The following EPHA5 variants were observed in gnomAD, a reference collection of about 807,000 sequenced individuals.
The protein encoded by EPHA5 is EPH receptor A5, also known as ephrin type-A receptor 5.
Under a neutral mutation model 105.0 loss-of-function variants are expected in EPHA5, and 60 were observed. The ratio of observed to expected loss-of-function variants is 0.57; its 90% CI spans 0.46 to 0.71. The LOEUF is 0.71. EPHA5 is among the 30% of genes least tolerant of loss of function. The probability of loss-of-function intolerance (pLI) is 0.00; values close to 1 mark genes in which losing one functional copy is unlikely to be tolerated. For missense variants in EPHA5, 1,218 were observed against 1,274.7 expected (o/e 0.96, Z 0.68); for synonymous variants, 513 against 449.1 (o/e 1.14, Z -1.80).
At chr4:65,461,933 T>C (rs542039070) in intron 5 of EPHA5, among the ~76,000 whole-genome samples, 46 of 152,176 alleles carry the variant, frequency 3.0e-4, no homozygotes, top group African/African-American at 9.4e-4. Context: ...CAGAATATAA[T>C]TGATATTGAA....
chr4:65,491,181 TAA>T (rs78417500), intron 4 of EPHA5, among the ~76,000 whole-genome samples: 4 of 119,912 alleles, frequency 3.3e-5, no homozygotes, highest in Non-Finnish European at 5.4e-5. Flanking sequence ...ATGTTGTAAG[TAA>T]AAAAAAAAAA....
intron 3 of EPHA5, among the ~76,000 whole-genome samples, chr4:65,553,056 A>G (rs563840070): frequency 6.6e-6 from 1 of 152,176 alleles, no homozygotes; most frequent in African/African-American, 2.4e-5. Flanking sequence ...TGAAAATCAC[A>G]GTTGTCAAGT....
At chr4:65,573,937 G>A (rs1205788223) in intron 3 of EPHA5, 4 of 1,602,432 alleles carry the variant, frequency 2.5e-6, no homozygotes, top group Non-Finnish European at 3.4e-6. Flanking sequence ...CGCCACAGGG[G>A]CAAGAGGGTG....
Position 65,366,059 on chromosome 4 carries a change from T to G in EPHA5, c.1862-2A>C. The G allele has an allele frequency of 6.3e-7, 1 of 1,594,114 alleles. No homozygotes were observed. The highest frequency in any genetic ancestry group is 8.6e-7 in the Non-Finnish European group (1 of 1,165,396). Reference sequence around the variant, plus strand: ...AAGTTCTTACTCCTGGCAGTTTAACTGTAAATATAAATTGGCATTAAAACA... The same window carrying G: ...AAGTTCTTACTCCTGGCAGTTTAACGGTAAATATAAATTGGCATTAAAACA... On this transcript the variant is annotated splice_acceptor_variant, in intron 9 of 16. Coordinates refer to ENST00000613740, the MANE Select transcript of EPHA5 (RefSeq NM_001281766.3). LOFTEE classifies it high-confidence loss of function.
intron 16 of EPHA5, chr4:65,331,259 G>A: frequency 9.7e-7 from 1 of 1,029,596 alleles, no homozygotes. Flanking sequence ...TAACAATTAG[G>A]CTAAAACAAC....
At chr4:65,346,544 C>CT (rs1376003478) in intron 14 of EPHA5, among the ~76,000 whole-genome samples, 2 of 151,754 alleles carry the variant, frequency 1.3e-5, no homozygotes, top group Admixed American at 6.6e-5. Flanking sequence ...TTCATTTTGT[C>CT]TTTTTTTATT....
rs758274203 is a variant in EPHA5 at position 65,366,059 on chromosome 4, T to A, written c.1862-2A>T. Reference sequence around the variant, plus strand: ...AAGTTCTTACTCCTGGCAGTTTAACTGTAAATATAAATTGGCATTAAAACA... The same window carrying A: ...AAGTTCTTACTCCTGGCAGTTTAACAGTAAATATAAATTGGCATTAAAACA... On this transcript the variant is annotated splice_acceptor_variant, in intron 9 of 16. Coordinates refer to ENST00000613740, the MANE Select transcript of EPHA5 (RefSeq NM_001281766.3). LOFTEE classifies it high-confidence loss of function. The A allele has an allele frequency of 6.3e-7, 1 of 1,594,114 alleles. No homozygotes were observed. The highest frequency in any genetic ancestry group is 8.6e-7 in the Non-Finnish European group (1 of 1,165,396).
chr4:65,465,351 A>G (rs754359763), intron 5 of EPHA5, among the ~76,000 whole-genome samples: 1 of 151,690 alleles, frequency 6.6e-6, no homozygotes, highest in Non-Finnish European at 1.5e-5. Context: ...GCTTGAACCC[A>G]GGAGGCAGAA....
chr4:65,567,542 G>A (rs1739678265), intron 3 of EPHA5, among the ~76,000 whole-genome samples: 1 of 151,456 alleles, frequency 6.6e-6, no homozygotes, highest in Non-Finnish European at 1.5e-5. Context: ...AGTACAAGTT[G>A]GTGATAGCCA....
At chr4:65,404,848 T>C (rs941941605) in intron 7 of EPHA5, among the ~76,000 whole-genome samples, 1 of 152,126 alleles carries the variant, frequency 6.6e-6, no homozygotes, top group South Asian at 2.1e-4. Context: ...GTATATAAGA[T>C]TTGACATTTT....
At chr4:65,506,241 G>T (rs570205733) in intron 3 of EPHA5, among the ~76,000 whole-genome samples, 15 of 152,070 alleles carry the variant, frequency 9.9e-5, no homozygotes, top group African/African-American at 3.6e-4. Flanking sequence ...TCTTAATCCA[G>T]TCTATCATTG....
At chr4:65,400,142 T>G in intron 8 of EPHA5, among the ~76,000 whole-genome samples, 1 of 152,208 alleles carries the variant, frequency 6.6e-6, no homozygotes, top group South Asian at 2.1e-4. Flanking sequence ...GGTGAAAGAC[T>G]GGTCAATTAA....
At chr4:65,416,245 G>A (rs1723370714) in intron 6 of EPHA5, among the ~76,000 whole-genome samples, 1 of 151,886 alleles carries the variant, frequency 6.6e-6, no homozygotes, top group African/African-American at 2.4e-5. Context: ...ATTAAAAGAA[G>A]GCCTCAATGA....
At chr4:65,488,885 A>T (rs982518771) in intron 5 of EPHA5, among the ~76,000 whole-genome samples, 46 of 117,740 alleles carry the variant, frequency 3.9e-4, no homozygotes, top group South Asian at 5.5e-4. Flanking sequence ...AGCTGCATGC[A>T]TTTTTTTTTT....
chr4:65,416,949 G>A (rs1723440591), intron 6 of EPHA5, among the ~76,000 whole-genome samples: 1 of 152,042 alleles, frequency 6.6e-6, no homozygotes, highest in Non-Finnish European at 1.5e-5. Context: ...ACCCACAATT[G>A]CCCTGCTGCC....
intron 3 of EPHA5, among the ~76,000 whole-genome samples, chr4:65,525,863 A>G (rs1416489346): frequency 6.6e-6 from 1 of 151,886 alleles, no homozygotes; most frequent in African/African-American, 2.4e-5. Flanking sequence ...TGTTTCTCAA[A>G]CAATGAACAA....
intron 3 of EPHA5, among the ~76,000 whole-genome samples, chr4:65,572,594 T>C (rs182543083): frequency 5.3e-4 from 81 of 152,342 alleles, no homozygotes; most frequent in African/African-American, 1.7e-3. Flanking sequence ...AAAGTTTGTA[T>C]AGCAATTGTG....
chr4:65,341,413 C>T (rs147216760), intron 14 of EPHA5, among the ~76,000 whole-genome samples: 12 of 151,896 alleles, frequency 7.9e-5, no homozygotes, highest in Non-Finnish European at 1.8e-4. Context: ...AAATCATCAT[C>T]GCTACACTTC....
In EPHA5 at chr4:65,659,319, GAAAAAAAAAAAAAAAAAA is replaced by G. The variant is rs5858980; in HGVS notation, c.181+10225_181+10242del. 2.7e-4 allele frequency among the ~76,000 whole-genome samples: 19 copies of G among 71,612 alleles called. 1 individual carries two copies. The highest frequency in any genetic ancestry group is 9.5e-4 in the African/African-American group (18 of 18,892). The allele number at this position is 71,612 out of a possible 152,430, so 47.0% of individuals were successfully genotyped here. ...GGATTGTTTATATACTAGAGTAACA[GAAAAAAAAAAAAAAAAAA>G]AAAAAAAAAAAAAAAAAAAAACAGG... On this transcript the variant is annotated intron_variant, in intron 1 of 16. Coordinates refer to ENST00000613740, the MANE Select transcript of EPHA5 (RefSeq NM_001281766.3).
Sources: allele counts gnomAD v4.1 joint callset (sites outside exome capture counted in the v4.1 genomes callset), GRCh38; gene constraint gnomAD v4.1.1; transcripts MANE v1.5; gene names NCBI Gene and HGNC (gene_info 2026-07-23, HGNC 2026-07-21).